Variants in DCDC2 observed in about 807,000 individuals in gnomAD.
The protein encoded by DCDC2 is doublecortin domain-containing protein 2.
Under a neutral mutation model 50.2 loss-of-function variants are expected in DCDC2, and 40 were observed. The ratio of observed to expected loss-of-function variants is 0.80; its 90% CI spans 0.62 to 1.04. The LOEUF is 1.04. Among genes scored for constraint, DCDC2 ranks in the 50% least tolerant of loss-of-function variants. The pLI, the probability that DCDC2 is intolerant of heterozygous loss-of-function variation, is 0.00. For missense variants in DCDC2, 570 were observed against 581.9 expected, an observed-to-expected ratio of 0.98 and a Z score of 0.21; for synonymous variants, 234 against 210.6, an observed-to-expected ratio of 1.11 and a Z score of -0.96.
chr6:24,325,036 T>C (rs564944117), intron 2 of DCDC2, among the ~76,000 whole-genome samples: 1 of 152,238 alleles, frequency 6.6e-6, no homozygotes, highest in East Asian at 1.9e-4. Flanking sequence ...AGTAAGGCCA[T>C]GTTCGTCTTA....
chr6:24,230,236 C>T (rs1388680031), intron 7 of DCDC2, among the ~76,000 whole-genome samples: 1 of 152,034 alleles, frequency 6.6e-6, no homozygotes, highest in Non-Finnish European at 1.5e-5. Flanking sequence ...GGGAAGGAGG[C>T]GGCCAATGGA....
upstream of DCDC2, among the ~76,000 whole-genome samples, chr6:24,359,141 ATTATATATTTTATATATT>A (rs1451891114): frequency 7.9e-5 from 5 of 63,248 alleles, no homozygotes; most frequent in South Asian, 4.9e-4. Context: ...TTTTATATAT[ATTATATATTTTATATATT>A]TTATATATTT....
chr6:24,357,100 G>A (rs1760483448), intron 1 of DCDC2: 1 of 184,160 alleles, frequency 5.4e-6, no homozygotes, highest in African/African-American at 2.3e-5. Context: ...TAAAAGGATG[G>A]ATTTCCAAGG....
chr6:24,272,523 T>C (rs775842483), intron 7 of DCDC2, among the ~76,000 whole-genome samples: 6 of 152,012 alleles, frequency 3.9e-5, no homozygotes, highest in Non-Finnish European at 7.4e-5. Context: ...CAACAAAAAA[T>C]AATGACAGCC....
At chr6:24,238,030 T>C (rs1194087732) in intron 7 of DCDC2, among the ~76,000 whole-genome samples, 4 of 137,694 alleles carry the variant, frequency 2.9e-5, no homozygotes, top group Admixed American at 7.9e-5. Flanking sequence ...CAACACAATA[T>C]ACCCCTGTAA....
chr6:24,279,545 T>C (rs185166350), intron 6 of DCDC2, among the ~76,000 whole-genome samples: 1 of 152,086 alleles, frequency 6.6e-6, no homozygotes, highest in Non-Finnish European at 1.5e-5. Context: ...CACACCACTG[T>C]ACTCCAGCCT....
At chr6:24,355,990 A>G (rs1760461206) in intron 1 of DCDC2, among the ~76,000 whole-genome samples, 1 of 152,172 alleles carries the variant, frequency 6.6e-6, no homozygotes, top group African/African-American at 2.4e-5. Context: ...CTGGGGCCCA[A>G]GATGAATTTC....
chr6:24,312,835 A>G (rs1759597543), intron 2 of DCDC2, among the ~76,000 whole-genome samples: 6 of 152,242 alleles, frequency 3.9e-5, no homozygotes, highest in Admixed American at 2.6e-4. Context: ...ATTAACAAAC[A>G]AACAGATGAT....
At position 24,357,925 on chromosome 6, in the gene DCDC2, A is replaced by T. The variant is rs566401669; in HGVS notation, c.-175T>A. The T allele has an allele frequency of 1.3e-6, 2 of 1,515,278 alleles. No individual in the cohort carries two copies. The allele number at this position is 1,515,278 out of a possible 1,614,324, so 93.9% of individuals were successfully genotyped here. ...GTGCGCCTAGGCGTCCACCCAGAGG[A>T]GACACTAGGAGCTTGCAGGACTCGG... On this transcript the variant is annotated 5_prime_UTR_variant, in exon 1 of 10. Transcript: ENST00000378454.
chr6:24,194,768 C>T (rs1761395020), intron 8 of DCDC2, among the ~76,000 whole-genome samples: 1 of 152,144 alleles, frequency 6.6e-6, no homozygotes, highest in African/African-American at 2.4e-5. Context: ...ACAGCCAACC[C>T]CAGATTGACT....
chr6:24,338,861 C>T (rs779906057), intron 2 of DCDC2, among the ~76,000 whole-genome samples: 29 of 152,150 alleles, frequency 1.9e-4, no homozygotes, highest in Non-Finnish European at 3.8e-4. Context: ...CCAGGCTGGT[C>T]TCAAACTCCT....
chr6:24,251,260 ATGAAGAATAGCTTACTC>A (rs1474164370), intron 7 of DCDC2, among the ~76,000 whole-genome samples: 2 of 152,218 alleles, frequency 1.3e-5, no homozygotes, highest in African/African-American at 4.8e-5. Flanking sequence ...AGGAGGATAC[ATGAAGAATAGCTTACTC>A]CTTTAAAAGT....
chr6:24,285,032 T>TC (rs1044308919), intron 6 of DCDC2, among the ~76,000 whole-genome samples: 3 of 151,096 alleles, frequency 2.0e-5, no homozygotes, highest in Non-Finnish European at 4.4e-5. Flanking sequence ...ATCCATACCC[T>TC]CCCCCCCACA....
At chr6:24,213,839 C>T (rs568983804) in intron 7 of DCDC2, among the ~76,000 whole-genome samples, 2 of 152,198 alleles carry the variant, frequency 1.3e-5, no homozygotes, top group Non-Finnish European at 2.9e-5. Context: ...TTATATAATA[C>T]CCCTCTTTGC....
the DCDC2 span, among the ~76,000 whole-genome samples, chr6:24,363,572 A>G: frequency 6.6e-6 from 1 of 152,226 alleles, no homozygotes; most frequent in South Asian, 2.1e-4. Context: ...GATCTCTGAA[A>G]TGCTTTCAAT....
chr6:24,338,037 T>C (rs1760090096), intron 2 of DCDC2, among the ~76,000 whole-genome samples: 1 of 152,226 alleles, frequency 6.6e-6, no homozygotes, highest in Non-Finnish European at 1.5e-5. Context: ...TCCTTCTGCA[T>C]TAACACACAA....
At chr6:24,186,364 T>C (rs1438840041) in intron 8 of DCDC2, among the ~76,000 whole-genome samples, 1 of 152,192 alleles carries the variant, frequency 6.6e-6, no homozygotes, top group Non-Finnish European at 1.5e-5. Flanking sequence ...GATTATTATT[T>C]CCATTGTATA....
At chr6:24,332,195 C>G (rs1262269260) in intron 2 of DCDC2, among the ~76,000 whole-genome samples, 2 of 152,178 alleles carry the variant, frequency 1.3e-5, no homozygotes, top group African/African-American at 4.8e-5. Context: ...AATTTTGCCA[C>G]TTCCCATCAA....
At chr6:24,234,705 A>G (rs793834) in intron 7 of DCDC2, among the ~76,000 whole-genome samples, 96,401 of 152,068 alleles carry the variant, frequency 0.63, 33,311 homozygotes, top group Non-Finnish European at 0.76. Context: ...TAAGTAGATA[A>G]TGATATCAAG....
Sources: allele counts gnomAD v4.1 joint callset (sites outside exome capture counted in the v4.1 genomes callset), GRCh38; gene constraint gnomAD v4.1.1; transcripts MANE v1.5; gene names NCBI Gene and HGNC (gene_info 2026-07-23, HGNC 2026-07-21).